The following JCAD variants were observed in gnomAD, a reference collection of about 807,000 sequenced individuals.
JCAD encodes the protein junctional cadherin 5-associated protein.
In JCAD, 40 loss-of-function variants were observed where a neutral mutation model predicts 98.0. The observed-to-expected ratio is 0.41, with a 90% CI of 0.32 to 0.53. The LOEUF (loss-of-function observed/expected upper bound fraction) is 0.53. JCAD is among the 20% of genes least tolerant of loss of function. The pLI is 0.31. For synonymous variants in JCAD, 691 were observed against 682.3 expected, an observed-to-expected ratio of 1.01 and a Z score of -0.20; for missense variants, 1,705 against 1,738.1, an observed-to-expected ratio of 0.98 and a Z score of 0.34.
intron 1 of JCAD, among the ~76,000 whole-genome samples, chr10:30,092,621 G>A (rs951297769): frequency 6.6e-6 from 1 of 152,166 alleles, no homozygotes; most frequent in African/African-American, 2.4e-5. Context: ...CCACAAAGAA[G>A]CTTTCTCCTT....
At chr10:30,050,949 T>C (rs1347339586) in intron 1 of JCAD, among the ~76,000 whole-genome samples, 1 of 152,232 alleles carries the variant, frequency 6.6e-6, no homozygotes, top group East Asian at 1.9e-4. Flanking sequence ...TAGACAGGAA[T>C]GTTTCCATTT....
At position 30,111,682 on chromosome 10, in the gene JCAD, G is replaced by A. The variant is rs150809497; in HGVS notation, n.128+3685C>T. 3.3e-5 allele frequency among the ~76,000 whole-genome samples: 5 copies of A among 152,264 alleles called. No individual in the cohort carries two copies. In the East Asian group the frequency reaches 9.6e-4, roughly 29 times the overall value. ...AAAGGAAATACAAAGTGAATGACTG[G>A]ACAAATGGCCAACAAACAAATAAAA... On this transcript the variant is annotated intron_variant and non_coding_transcript_variant, in intron 1 of 2. Transcript: ENST00000465712.
intron 1 of JCAD, among the ~76,000 whole-genome samples, chr10:30,049,712 T>C (rs984802406): frequency 1.3e-5 from 2 of 152,142 alleles, no homozygotes; most frequent in Non-Finnish European, 2.9e-5. Flanking sequence ...TGTTCTTTAA[T>C]TCAACAGAGT....
chr10:30,078,547 T>C (rs3847403), intron 1 of JCAD, among the ~76,000 whole-genome samples: 29,869 of 152,124 alleles, frequency 0.2, 3,407 homozygotes, highest in East Asian at 0.29. Flanking sequence ...AAAGCGGCCA[T>C]TGTGGGGCTC....
At chr10:30,074,691 T>A (rs1022692055) in intron 1 of JCAD, among the ~76,000 whole-genome samples, 3 of 152,248 alleles carry the variant, frequency 2.0e-5, no homozygotes, top group African/African-American at 7.2e-5. Context: ...AAGGAGACCA[T>A]GAGGCCTGTG....
intron 1 of JCAD, among the ~76,000 whole-genome samples, chr10:30,105,148 A>G (rs1171088610): frequency 1.3e-5 from 2 of 152,164 alleles, no homozygotes; most frequent in African/African-American, 4.8e-5. Flanking sequence ...CCTGCCCTGT[A>G]TTACTAAATC....
chr10:30,025,260 G>A lies in JCAD; in HGVS notation c.4045+843C>T, dbSNP rs528807992. Among the ~76,000 whole-genome samples, 8 of 151,690 alleles carry A rather than the reference G, an allele frequency of 5.3e-5. No individual in the cohort carries two copies. In the South Asian group the frequency reaches 1.5e-3, roughly 28 times the overall value. Reference sequence around the variant, plus strand: ...GGGCCGGGCTCAGTGGTTCACGCCTGTAATCCTGGCACTTTGGGAGGCCAA... The same window carrying A: ...GGGCCGGGCTCAGTGGTTCACGCCTATAATCCTGGCACTTTGGGAGGCCAA... On this transcript the variant is annotated intron_variant, in intron 3 of 3. Transcript: ENST00000375377.
At chr10:30,112,262 C>G (rs995337627) in intron 1 of JCAD, among the ~76,000 whole-genome samples, 5 of 151,926 alleles carry the variant, frequency 3.3e-5, no homozygotes, top group African/African-American at 1.2e-4. Flanking sequence ...TCACTTGAAG[C>G]CAGGAGTTCA....
rs1228134353 is a variant in JCAD at position 30,026,401 on chromosome 10, G to T, written c.3747C>A (p.Ser1249=). ...VIESLQEKLA[S]PPRRADPDRL... is the part of the protein sequence containing the mutation. ...GGTCAGGGTCTGCTCTCCTAGGCGG[G>T]GAGGCCAGTTTCTCTTGTAAACTTT... The change falls in exon 3 of 4, where the codon TCC becomes TCA. Residue 1249 remains serine, a synonymous_variant. Transcript: ENST00000375377. 3 of 1,614,254 alleles carry T rather than the reference G, an allele frequency of 1.9e-6. No homozygotes were observed. Among genetic ancestry groups the T allele is most frequent in the Non-Finnish European group, 1.7e-6 (2 of 1,180,044 alleles).
chr10:30,037,035 G>C (rs1489318575), intron 2 of JCAD, among the ~76,000 whole-genome samples: 4 of 152,218 alleles, frequency 2.6e-5, no homozygotes. Context: ...TGACCGCCAA[G>C]GCTGTAGGTC....
chr10:30,021,021 T>C (rs1272835256), intron 3 of JCAD, among the ~76,000 whole-genome samples: 2 of 152,228 alleles, frequency 1.3e-5, no homozygotes, highest in Middle Eastern at 3.2e-3. Context: ...TGCTGTGTTG[T>C]ACCTACCATC....
chr10:30,091,565 T>C (rs1445860778), intron 1 of JCAD, among the ~76,000 whole-genome samples: 2 of 152,130 alleles, frequency 1.3e-5, no homozygotes, highest in East Asian at 3.8e-4. Context: ...AGTCCTTGGC[T>C]ATTTAGGGCT....
intron 1 of JCAD, among the ~76,000 whole-genome samples, chr10:30,077,701 A>G (rs1325341266): frequency 6.6e-6 from 1 of 152,130 alleles, no homozygotes; most frequent in African/African-American, 2.4e-5. Context: ...TGTCTGGCTT[A>G]TTTCACCCAG....
At chr10:30,113,989 G>T (rs753022744) in intron 1 of JCAD, among the ~76,000 whole-genome samples, 2 of 152,182 alleles carry the variant, frequency 1.3e-5, no homozygotes, top group Non-Finnish European at 2.9e-5. Context: ...GTGCATTAAA[G>T]ATTTGAGCAT....
chr10:30,087,685 G>GA (rs374667063), intron 1 of JCAD, among the ~76,000 whole-genome samples: 2 of 152,124 alleles, frequency 1.3e-5, no homozygotes, highest in African/African-American at 4.8e-5. Flanking sequence ...TCATTCTCCA[G>GA]AAAAAATTCT....
At chr10:30,096,554 A>G (rs1263367003) in intron 1 of JCAD, among the ~76,000 whole-genome samples, 1 of 151,830 alleles carries the variant, frequency 6.6e-6, no homozygotes, top group Non-Finnish European at 1.5e-5. Context: ...TTCGATCTGT[A>G]TCTTCTTATT....
chr10:30,055,148 T>C (rs553008505), intron 1 of JCAD, among the ~76,000 whole-genome samples: 2 of 152,334 alleles, frequency 1.3e-5, no homozygotes, highest in African/African-American at 4.8e-5. Flanking sequence ...CATGTGCTGC[T>C]GAAGAAATCT....
At chr10:30,104,396 TAAGA>T (rs1364538418) in intron 1 of JCAD, among the ~76,000 whole-genome samples, 1 of 152,168 alleles carries the variant, frequency 6.6e-6, no homozygotes. Flanking sequence ...TATGCAGCCA[TAAGA>T]AAGAATGAAA....
chr10:30,096,820 G>A lies in JCAD; in HGVS notation n.128+18547C>T, dbSNP rs368116470. 6.6e-4 allele frequency among the ~76,000 whole-genome samples: 101 copies of A among 152,172 alleles called. 2 individuals are homozygous for A. In the South Asian group the frequency reaches 0.02, roughly 31 times the overall value. On this transcript the variant is annotated intron_variant and non_coding_transcript_variant, in intron 1 of 2. Transcript: ENST00000465712. ...GTGTGGGAAGGTGAATCCAGCAAGA[G>A]CTCAAATTTTCCAGTGAGCAAATGT...
Sources: allele counts gnomAD v4.1 joint callset (sites outside exome capture counted in the v4.1 genomes callset), GRCh38; gene constraint gnomAD v4.1.1; transcripts MANE v1.5; gene names NCBI Gene and HGNC (gene_info 2026-07-23, HGNC 2026-07-21).